Variants in DENND6B observed in about 807,000 individuals in gnomAD.
DENND6B encodes protein DENND6B.
A neutral mutation model predicts 85.1 loss-of-function variants in DENND6B; 73 were observed. The ratio of observed to expected loss-of-function variants is 0.86; its 90% CI spans 0.71 to 1.04. DENND6B has a LOEUF of 1.04. Among genes scored for constraint, DENND6B ranks in the 50% least tolerant of loss-of-function variants. The pLI, the probability that DENND6B is intolerant of heterozygous loss-of-function variation, is 0.00. For synonymous variants in DENND6B, 357 were observed against 329.3 expected, an observed-to-expected ratio of 1.08 and a Z score of -0.91; for missense variants, 715 against 785.8, an observed-to-expected ratio of 0.91 and a Z score of 1.08.
chr22:50,312,502 C>A, intron 18 of DENND6B, 21 bp downstream of exon 18: 1 of 1,573,092 alleles, frequency 6.4e-7, no homozygotes, highest in East Asian at 2.4e-5. Context: ...CTGGCCCTCC[C>A]CAACCCCCAG....
intron 12 of DENND6B, 50 bp from the exon 13 acceptor site, chr22:50,314,322 T>TC (rs1316268212): frequency 4.4e-6 from 7 of 1,596,056 alleles, no homozygotes; most frequent in Admixed American, 1.7e-5. Context: ...GCTCTGGCCA[T>TC]CCCCACGGGC....
chr22:50,323,841 T>C (rs1173038356), intron 1 of DENND6B, among the ~76,000 whole-genome samples: 1 of 148,662 alleles, frequency 6.7e-6, no homozygotes. Flanking sequence ...CAAGCAATCC[T>C]CCAGCCTCAG....
In DENND6B at chr22:50,316,681, G is replaced by T. The variant is rs1300857323; in HGVS notation, c.454-206C>A. ...GAGAAAACCCAACACTGAACTCCCT[G>T]GGTGGCGGCCGGTGGGGCTGGACCC... On this transcript the variant is annotated intron_variant, in intron 5 of 19. Transcript: ENST00000413817. 3 of 1,493,424 alleles carry T rather than the reference G, an allele frequency of 2.0e-6. No homozygotes were observed. In the East Asian group the frequency reaches 8.0e-5, roughly 40 times the overall value. The allele number at this position is 1,493,424 out of a possible 1,614,324, so 92.5% of individuals were successfully genotyped here.
chr22:50,321,549 A>G (rs1005057799), intron 1 of DENND6B, among the ~76,000 whole-genome samples: 1 of 151,628 alleles, frequency 6.6e-6, no homozygotes, highest in African/African-American at 2.4e-5. Context: ...TTTTTAGTAG[A>G]GACAGGGCTT....
chr22:50,316,117 G>C (rs2041805065), intron 7 of DENND6B, 30 bp from the exon 8 acceptor site: 1 of 1,612,684 alleles, frequency 6.2e-7, no homozygotes, highest in East Asian at 2.2e-5. Context: ...GCTGCCAGAG[G>C]GAGTAGGGCA....
Position 50,312,032 on chromosome 22 carries a change from G to T in DENND6B, c.*107C>A. On this transcript the variant is annotated 3_prime_UTR_variant, in exon 20 of 20. Transcript: ENST00000413817. ...AGGAAGGGGAGCCTGCAGTCTGGGC[G>T]GGGGGCCAAGGAAGGGGAGCGTGTG... 1 of 1,495,324 alleles carries T rather than the reference G, an allele frequency of 6.7e-7. No homozygotes were observed. The highest frequency in any genetic ancestry group is 8.9e-7 in the Non-Finnish European group (1 of 1,122,356). 92.6% of individuals were successfully genotyped at this position (1,495,324 alleles called of 1,614,324 possible). A position where few individuals can be genotyped will look rare whatever the true frequency, so the allele number is the denominator to read the frequency against.
intron 17 of DENND6B, 34 bp downstream of exon 17, chr22:50,312,965 G>T: frequency 2.0e-6 from 3 of 1,535,496 alleles, no homozygotes; most frequent in Non-Finnish European, 2.6e-6. Flanking sequence ...GGACCAAGGA[G>T]GGCTCAAGCT....
At position 50,326,983 on chromosome 22, in the gene DENND6B, G is replaced by A. The variant is rs2042208210; in HGVS notation, c.6C>T (p.Asp2=). 8.3e-7 allele frequency: 1 copy of A among 1,198,552 alleles called. No homozygotes were observed. Among genetic ancestry groups the A allele is most frequent in the Non-Finnish European group, 1.0e-6 (1 of 967,840 alleles). 74.2% of individuals were successfully genotyped at this position (1,198,552 alleles called of 1,614,324 possible). Residue 2 remains aspartate (D), a synonymous_variant, in exon 1 of 20, where the codon GAC becomes GAT. Coordinates refer to ENST00000413817, the MANE Select transcript of DENND6B (RefSeq NM_001001794.4). M[D]ALLGTGPRRA... ...GGCGAGGCCCTGTGCCCAACAGCGC[G>A]TCCATGGCGGCGGCCGCGGGTTGCC...
At chr22:50,314,736 G>C in intron 10 of DENND6B, 36 bp from the exon 11 acceptor site, 5 of 1,571,556 alleles carry the variant, frequency 3.2e-6, no homozygotes, top group Non-Finnish European at 4.3e-6. Flanking sequence ...GGTGAGGCAG[G>C]GGCAGCCCAG....
rs562628303 is a variant in DENND6B, at chr22:50,315,891, C to G, written c.703-122G>C. ...CACCCAGCCCTACACCAACACACAG[C>G]CTGTGGCTTTGCCTGGGTTTGACAA... On this transcript the variant is annotated intron_variant, in intron 8 of 19. Coordinates refer to ENST00000413817, the MANE Select transcript of DENND6B (RefSeq NM_001001794.4). The G allele has an allele frequency of 1.4e-5, 21 of 1,525,614 alleles. No homozygotes were observed. In the African/African-American group the frequency reaches 2.0e-4, roughly 15 times the overall value. The allele number at this position is 1,525,614 out of a possible 1,614,324, so 94.5% of individuals were successfully genotyped here.
chr22:50,318,110 G>T, intron 3 of DENND6B, 90 bp from the exon 4 acceptor site: 2 of 1,316,950 alleles, frequency 1.5e-6, no homozygotes, highest in Non-Finnish European at 2.1e-6. Context: ...AGGGCCCTGC[G>T]AGCCTGGCCT....
chr22:50,324,827 T>A (rs1601840413), intron 1 of DENND6B, among the ~76,000 whole-genome samples: 1 of 152,220 alleles, frequency 6.6e-6, no homozygotes, highest in Admixed American at 6.5e-5. Context: ...CCCCCTCCCC[T>A]GTCTCTTCTC....
chr22:50,309,461 TG>T lies in DENND6B; in HGVS notation c.*2677del. 6.6e-6 allele frequency: 1 copy of T among 152,442 alleles called. No individual in the cohort carries two copies. The highest frequency in any genetic ancestry group is 1.5e-5 in the Non-Finnish European group (1 of 68,176). 9.4% of individuals were successfully genotyped at this position (152,442 alleles called of 1,614,324 possible). ...AGCCAACTCAGAGCGGCCCTGACAC[TG>T]GGGGGGCCACAAGAGGCATCCGGAC... On this transcript the variant is annotated 3_prime_UTR_variant, in exon 20 of 20. Coordinates refer to ENST00000413817, the MANE Select transcript of DENND6B (RefSeq NM_001001794.4).
Position 50,317,359 on chromosome 22 carries a change from G to A in DENND6B, c.387C>T (p.His129=), listed in dbSNP as rs768016593. 6.2e-7 allele frequency: 1 copy of A among 1,613,042 alleles called. No individual in the cohort carries two copies. Among genetic ancestry groups the A allele is most frequent in the Non-Finnish European group, 8.5e-7 (1 of 1,179,712 alleles). ...APVALQREPA[H]YFGYVYFRQV... ...GCCTGAAGTACACGTAGCCGAAGTA[G>A]TGTGCCGGCTCCCTCTGCAAGGAGC... is the stretch of plus-strand genomic sequence containing the variant. The change falls in exon 5 of 20, where the codon CAC becomes CAT. Residue 129 remains histidine (H), a synonymous_variant. Coordinates refer to ENST00000413817, the MANE Select transcript of DENND6B (RefSeq NM_001001794.4).
intron 3 of DENND6B, among the ~76,000 whole-genome samples, chr22:50,318,645 T>C (rs2041935025): frequency 6.6e-6 from 1 of 152,154 alleles, no homozygotes; most frequent in African/African-American, 2.4e-5. Flanking sequence ...ACACCCTTTC[T>C]ACGTGAATCT....
chr22:50,325,018 G>A (rs1601840738), intron 1 of DENND6B, among the ~76,000 whole-genome samples: 1 of 152,172 alleles, frequency 6.6e-6, no homozygotes, highest in African/African-American at 2.4e-5. Flanking sequence ...TGACTAAAAC[G>A]ACCTCGATCT....
Position 50,313,798 on chromosome 22 carries a change from C to T in DENND6B, c.1203+16G>A. Reference sequence around the variant, plus strand: ...GGCTCCCTGCGTCCCCAGCCCCTGCCCCACAAACCATATACCTTGAGCAGC... The same window carrying T: ...GGCTCCCTGCGTCCCCAGCCCCTGCTCCACAAACCATATACCTTGAGCAGC... On this transcript the variant is annotated intron_variant, in intron 14 of 19. Coordinates refer to ENST00000413817, the MANE Select transcript of DENND6B (RefSeq NM_001001794.4). 6 of 1,611,796 alleles carry T rather than the reference C, an allele frequency of 3.7e-6. No homozygotes were observed. Among genetic ancestry groups the T allele is most frequent in the Non-Finnish European group, 4.2e-6 (5 of 1,179,496 alleles).
At chr22:50,320,882 C>T (rs926350052) in intron 1 of DENND6B, among the ~76,000 whole-genome samples, 1 of 152,232 alleles carries the variant, frequency 6.6e-6, no homozygotes, top group African/African-American at 2.4e-5. Context: ...GGGAAAGCCA[C>T]ATTCTCAGGC....
chr22:50,313,118 G>T lies in DENND6B; in HGVS notation c.1348-10C>A, dbSNP rs2068106293. 2 of 1,551,708 alleles carry T rather than the reference G, an allele frequency of 1.3e-6. No individual in the cohort carries two copies. Among genetic ancestry groups the T allele is most frequent in the African/African-American group, 2.7e-5 (2 of 73,142 alleles). Reference sequence around the variant, plus strand: ...GGATCTGGGGGGGAGTCTGAGAGGGGATGGGTGAGCCAGCACGTGGGAACT... The same window carrying T: ...GGATCTGGGGGGGAGTCTGAGAGGGTATGGGTGAGCCAGCACGTGGGAACT... On this transcript the variant is annotated splice_polypyrimidine_tract_variant and intron_variant, in intron 16 of 19. Transcript: ENST00000413817.
Sources: allele counts gnomAD v4.1 joint callset (sites outside exome capture counted in the v4.1 genomes callset), GRCh38; gene constraint gnomAD v4.1.1; transcripts MANE v1.5; gene names NCBI Gene and HGNC (gene_info 2026-07-23, HGNC 2026-07-21).